Variants in TTC4 observed in about 807,000 individuals in gnomAD.
TTC4 encodes tetratricopeptide repeat domain 4.
TTC4 carries 36 observed loss-of-function variants against 51.9 expected under a neutral mutation model. The observed-to-expected ratio is 0.69, with a 90% confidence interval of 0.53 to 0.92. The LOEUF (loss-of-function observed/expected upper bound fraction) is 0.92, where lower values mean the gene tolerates loss of function less well. TTC4 is among the 40% of genes least tolerant of loss of function. The pLI, the probability that TTC4 is intolerant of heterozygous loss-of-function variation, is 0.00. For synonymous variants in TTC4, 144 were observed against 164.2 expected (o/e 0.88, Z 0.94); for missense variants, 399 against 454.6 (o/e 0.88, Z 1.11).
intron 9 of TTC4, among the ~76,000 whole-genome samples, chr1:54,738,185 G>A (rs866022268): frequency 1.1e-4 from 16 of 152,164 alleles, no homozygotes; most frequent in Admixed American, 7.9e-4. Flanking sequence ...ACAGGCATGA[G>A]CCACCACTCC....
At position 54,716,680 on chromosome 1, in the gene TTC4, CCAGT is replaced by C. The variant is rs776362913; in HGVS notation, c.195_198del (p.Ser66LeufsTer33). 4 of 1,613,520 alleles carry C rather than the reference CCAGT, an allele frequency of 2.5e-6. No homozygotes were observed. The highest frequency in any genetic ancestry group is 2.2e-5 in the East Asian group (1 of 44,884). ...GGGAGAATCCTGACTTGGCTTGTCT[CCAGT>C]CAATTATTTTTGATGAGGAGCGTTC... is the stretch of plus-strand genomic sequence containing the variant. On this transcript the variant is annotated frameshift_variant, in exon 2 of 10. Transcript: ENST00000371281. LOFTEE classifies it high-confidence loss of function.
chr1:54,739,826 G>A (rs1260302259), intron 9 of TTC4, among the ~76,000 whole-genome samples: 1 of 152,182 alleles, frequency 6.6e-6, no homozygotes, highest in African/African-American at 2.4e-5. Flanking sequence ...GCTAAGGAGC[G>A]TAAACTTTAT....
intron 6 of TTC4, among the ~76,000 whole-genome samples, chr1:54,730,328 C>G (rs1347057110): frequency 6.8e-6 from 1 of 146,058 alleles, no homozygotes; most frequent in Non-Finnish European, 1.5e-5. Context: ...CCCTTCATCT[C>G]AAACTTAGCA....
At chr1:54,719,878 A>G (rs975713413) in intron 3 of TTC4, among the ~76,000 whole-genome samples, 1 of 151,894 alleles carries the variant, frequency 6.6e-6, no homozygotes, top group Non-Finnish European at 1.5e-5. Flanking sequence ...GCTTGCCATG[A>G]ACTAAAAATG....
chr1:54,738,866 T>C (rs1393898720), intron 9 of TTC4, among the ~76,000 whole-genome samples: 1 of 151,944 alleles, frequency 6.6e-6, no homozygotes. Flanking sequence ...TTTCACCATG[T>C]TGTCCAGGCT....
In TTC4 at chr1:54,728,328, T is replaced by C. The variant is rs184604522; in HGVS notation, c.595-18T>C. On this transcript the variant is annotated intron_variant, in intron 5 of 9. Coordinates refer to ENST00000371281, the MANE Select transcript of TTC4 (RefSeq NM_004623.5). ...AAGCCAGGTCTCTAGAGCTGATGCA[T>C]CTAAATTTCATTTTTAGCGAATTGA... 128 of 1,608,314 alleles carry C rather than the reference T, an allele frequency of 8.0e-5. No homozygotes were observed. The Admixed American group carries it at 1.1e-3, about 14-fold the overall frequency.
intron 7 of TTC4, among the ~76,000 whole-genome samples, chr1:54,733,423 A>AT (rs1355803907): frequency 5.2e-5 from 6 of 115,188 alleles, no homozygotes; most frequent in South Asian, 3.3e-4. Context: ...TGTCTCAAAA[A>AT]AAAAAAATAA....
intron 3 of TTC4, among the ~76,000 whole-genome samples, chr1:54,719,601 T>C (rs549338763): frequency 6.6e-6 from 1 of 152,170 alleles, no homozygotes; most frequent in East Asian, 1.9e-4. Context: ...GTTTTTTCAC[T>C]TAATTTTATA....
intron 5 of TTC4, among the ~76,000 whole-genome samples, chr1:54,727,743 G>T (rs1925657): frequency 0.13 from 18,959 of 149,468 alleles, 2,125 homozygotes; most frequent in African/African-American, 0.29. Context: ...AGACAATATT[G>T]GTAAGTCATA....
At chr1:54,716,054 G>A in intron 1 of TTC4, 35 bp downstream of exon 1, 1 of 1,529,050 alleles carries the variant, frequency 6.5e-7, no homozygotes, top group Non-Finnish European at 8.9e-7. Flanking sequence ...CGTGTGTAGG[G>A]GCGTCGTCCG....
chr1:54,720,862 T>A (rs1645735962), intron 3 of TTC4, among the ~76,000 whole-genome samples: 1 of 152,198 alleles, frequency 6.6e-6, no homozygotes, highest in African/African-American at 2.4e-5. Context: ...CTTTTCCATA[T>A]CTTTTCTAAT....
At position 54,740,192 on chromosome 1, in the gene TTC4, A is replaced by G. The variant is rs185932560; in HGVS notation, c.1062-1219A>G. ...CCTCCTCCCACTACCCAAAAAAATT[A>G]CAGAGTAATGTAAAGATTTGAAGTG... On this transcript the variant is annotated intron_variant, in intron 9 of 9. Coordinates refer to ENST00000371281, the MANE Select transcript of TTC4 (RefSeq NM_004623.5). Among the ~76,000 whole-genome samples, 295 of 152,306 alleles carry G rather than the reference A, an allele frequency of 1.9e-3. 6 individuals are homozygous for G. In the South Asian group the frequency reaches 0.059, roughly 30 times the overall value.
intron 7 of TTC4, among the ~76,000 whole-genome samples, chr1:54,732,189 TG>T (rs983336699): frequency 6.6e-6 from 1 of 151,556 alleles, no homozygotes; most frequent in African/African-American, 2.4e-5. Context: ...AAAAATTAGC[TG>T]GGCATCTGTA....
chr1:54,739,814 C>G (rs770183074), intron 9 of TTC4, among the ~76,000 whole-genome samples: 1 of 152,202 alleles, frequency 6.6e-6, no homozygotes, highest in Non-Finnish European at 1.5e-5. Flanking sequence ...CCTGAATGCC[C>G]TGCTAAGGAG....
intron 8 of TTC4, 37 bp downstream of exon 8, chr1:54,733,747 ATTTTTTTTTTTTTTTT>A: frequency 2.5e-6 from 2 of 797,752 alleles, no homozygotes. Context: ...TATGGAATTA[ATTTTTTTTTTTTTTTT>A]TTTTTTTTTT....
intron 7 of TTC4, among the ~76,000 whole-genome samples, chr1:54,732,960 G>A (rs111638365): frequency 1.3e-5 from 2 of 151,858 alleles, no homozygotes; most frequent in Admixed American, 1.3e-4. Flanking sequence ...GGTGGTGCAT[G>A]CCTGTAGTCC....
rs765471266 is a variant in TTC4, at chr1:54,715,894, G to A, written c.-15G>A. ...CACGGCGCTGGGACCCGGGCTGGAA[G>A]GCAGGGCATCAGCTATGGAACAACC... On this transcript the variant is annotated 5_prime_UTR_variant, in exon 1 of 10. Coordinates refer to ENST00000371281, the MANE Select transcript of TTC4 (RefSeq NM_004623.5). 1.3e-6 allele frequency: 2 copies of A among 1,590,254 alleles called. No individual in the cohort carries two copies. Among genetic ancestry groups the A allele is most frequent in the East Asian group, 2.3e-5 (1 of 43,976 alleles).
rs546229754 is a variant in TTC4, at chr1:54,741,740, T to C, written c.*227T>C. ...GATATAAAACTCTGGGTCTTGGCCA[T>C]GATGTCCTTGGACTCCATCGCTAAA... is the stretch of plus-strand genomic sequence containing the variant. On this transcript the variant is annotated 3_prime_UTR_variant, in exon 10 of 10. Coordinates refer to ENST00000371281, the MANE Select transcript of TTC4 (RefSeq NM_004623.5). 560 of 569,934 alleles carry C rather than the reference T, an allele frequency of 9.8e-4. 5 individuals carry two copies. The highest frequency in any genetic ancestry group is 4.7e-3 in the Middle Eastern group (10 of 2,140). 35.3% of individuals were successfully genotyped at this position (569,934 alleles called of 1,614,324 possible). A position where few individuals can be genotyped will look rare whatever the true frequency, so the allele number is the denominator to read the frequency against.
intron 5 of TTC4, among the ~76,000 whole-genome samples, chr1:54,724,480 T>C (rs1645778036): frequency 6.6e-6 from 1 of 152,144 alleles, no homozygotes; most frequent in Non-Finnish European, 1.5e-5. Flanking sequence ...TTCACTATGT[T>C]GCCCAGGCTG....
Sources: gnomAD v4.1 joint callset for allele counts (sites outside exome capture counted in the v4.1 genomes callset) on GRCh38, gnomAD v4.1.1 for gene constraint, MANE v1.5 for transcripts, NCBI Gene and HGNC (gene_info 2026-07-23, HGNC 2026-07-21) for gene names.